B3GNT7: variants seen among roughly 807,000 people sequenced by gnomAD.
B3GNT7 encodes UDP-GlcNAc:betaGal beta-1,3-N-acetylglucosaminyltransferase 7.
Under a neutral mutation model 5.1 loss-of-function variants are expected in B3GNT7, and 9 were observed. The observed-to-expected ratio is 1.77, with a 90% CI of 1.07 to 3.09. The LOEUF is 3.09. Among genes scored for constraint, B3GNT7 ranks in the 30% most tolerant of loss-of-function variants. The pLI, the probability that B3GNT7 is intolerant of heterozygous loss-of-function variation, is 0.00. For synonymous variants in B3GNT7, 253 were observed against 248.6 expected (o/e 1.02, Z -0.17); for missense variants, 468 against 550.8 (o/e 0.85, Z 1.50).
intron 1 of B3GNT7, 42 bp from the exon 2 acceptor site, chr2:231,397,689 C>T: frequency 2.0e-6 from 3 of 1,524,484 alleles, no homozygotes; most frequent in Non-Finnish European, 2.6e-6. Flanking sequence ...GCCCTGGGCT[C>T]ATCTTTTCTC....
In B3GNT7 at chr2:231,395,848, CG is replaced by C; in HGVS notation, c.11+39del. 8.9e-7 allele frequency: 1 copy of C among 1,118,280 alleles called. No individual in the cohort carries two copies. 69.3% of individuals were successfully genotyped at this position (1,118,280 alleles called of 1,614,324 possible). A position where few individuals can be genotyped will look rare whatever the true frequency, so the allele number is the denominator to read the frequency against. ...GGCTGGGGGCCGTCGGGGGCCTGGG[CG>C]GGGGCGTGGGCCCGGGGCTCCCCCT... On this transcript the variant is annotated intron_variant, in intron 1 of 1. Transcript: ENST00000287590. This position sits in a 1 kb window ranked among gnomAD's most constrained non-coding sequence, Gnocchi z 7.3.
At chr2:231,397,599 G>C in intron 1 of B3GNT7, 132 bp from the exon 2 acceptor site, 2 of 829,698 alleles carry the variant, frequency 2.4e-6, no homozygotes, top group South Asian at 3.8e-5. Context: ...TGACAGCTTA[G>C]GGACTCCGGG....
rs758379647 is a variant in B3GNT7 at position 231,397,836 on chromosome 2, G to GCCAC, written c.124_127dup (p.Leu43HisfsTer47). 2 of 1,613,718 alleles carry GCCAC rather than the reference G, an allele frequency of 1.2e-6. No homozygotes were observed. The highest frequency in any genetic ancestry group is 8.5e-7 in the Non-Finnish European group (1 of 1,179,890). On this transcript the variant is annotated frameshift_variant, in exon 2 of 2. Transcript: ENST00000287590. LOFTEE classifies it low-confidence loss of function (END_TRUNC). ...CTGGTCAGTTTCTGCAGGAGCCTCCGCCACCCACCCTGGAGCCACAGAAGG... is the reference window on the plus strand; with the variant it reads ...CTGGTCAGTTTCTGCAGGAGCCTCCGCCACCCACCCACCCTGGAGCCACAGAAGG...
rs765053112 is a variant in B3GNT7 at position 231,398,062 on chromosome 2, C to T, written c.343C>T (p.Arg115Cys). 4 of 1,610,968 alleles carry T rather than the reference C, an allele frequency of 2.5e-6. No individual in the cohort carries two copies. The highest frequency in any genetic ancestry group is 2.5e-6 in the Non-Finnish European group (3 of 1,179,864). ...EPQFRQFLFY[R>C]HCRYFPMLLN... ...GCAGTTCCGGCAGTTTCTCTTCTAC[C>T]GCCACTGCCGCTACTTCCCCATGCT... The change falls in exon 2 of 2, where the codon CGC becomes TGC. Residue 115 changes from arginine (R) to cysteine (C), a missense_variant. Physicochemically the swap from Arg to Cys is radical, Grantham distance 180. Coordinates refer to ENST00000287590, the MANE Select transcript of B3GNT7 (RefSeq NM_145236.3).
At position 231,399,729 on chromosome 2, in the gene B3GNT7, G is replaced by A. The variant is rs2046547804; in HGVS notation, c.*804G>A. ...ACCCCCAGGCCTGGCTCCCTGGCTG[G>A]AAAGCAGCCGGTTTGGCCCTGGAAG... On this transcript the variant is annotated 3_prime_UTR_variant, in exon 2 of 2. Transcript: ENST00000287590. The A allele has an allele frequency of 2.0e-5, 3 of 152,178 alleles. No homozygotes were observed. Among genetic ancestry groups the A allele is most frequent in the Admixed American group, 2.0e-4 (3 of 15,274 alleles). The allele number at this position is 152,178 out of a possible 1,614,324, so 9.4% of individuals were successfully genotyped here. A position where few individuals can be genotyped will look rare whatever the true frequency, so the allele number is the denominator to read the frequency against.
In B3GNT7 at chr2:231,397,787, C is replaced by T. The variant is rs766174080; in HGVS notation, c.68C>T (p.Thr23Met). 23 of 1,613,638 alleles carry T rather than the reference C, an allele frequency of 1.4e-5. No homozygotes were observed. Among genetic ancestry groups the T allele is most frequent in the Middle Eastern group, 1.6e-4 (1 of 6,084 alleles). Residue 23 changes from threonine (T) to methionine (M), a missense_variant, in exon 2 of 2, where the codon ACG (threonine) becomes ATG (methionine). Transcript: ENST00000287590. Reference protein sequence around the residue: ...CLALALLVAVTVFQRSLTPGQ... With the variant: ...CLALALLVAVMVFQRSLTPGQ... ...GCCCTGGCCCTGCTCGTGGCCGTGA[C>T]GGTGTTCCAACGCAGTCTCACCCCT... is the stretch of plus-strand genomic sequence containing the variant.
chr2:231,398,751 C>T lies in B3GNT7; in HGVS notation c.1032C>T (p.His344=), dbSNP rs1392039368. The T allele has an allele frequency of 1.9e-6, 3 of 1,610,084 alleles. No homozygotes were observed. The highest frequency in any genetic ancestry group is 1.7e-5 in the Admixed American group (1 of 60,030). ...TGCTGGGCGTGCAGCCCACGGCCCA[C>T]GAGGGCTTCAAGACTTTCGGCATCT... ...LEVLGVQPTA[H]EGFKTFGISR... The change falls in exon 2 of 2, where the codon CAC becomes CAT. Residue 344 remains histidine (H), a synonymous_variant. Coordinates refer to ENST00000287590, the MANE Select transcript of B3GNT7 (RefSeq NM_145236.3).
chr2:231,399,380 G>T lies in B3GNT7; in HGVS notation c.*455G>T. 6.2e-6 allele frequency: 1 copy of T among 162,038 alleles called. No homozygotes were observed. Among genetic ancestry groups the T allele is most frequent in the Non-Finnish European group, 1.4e-5 (1 of 74,058 alleles). 10.0% of individuals were successfully genotyped at this position (162,038 alleles called of 1,614,324 possible). A position where few individuals can be genotyped will look rare whatever the true frequency, so the allele number is the denominator to read the frequency against. On this transcript the variant is annotated 3_prime_UTR_variant, in exon 2 of 2. Coordinates refer to ENST00000287590, the MANE Select transcript of B3GNT7 (RefSeq NM_145236.3). ...TCTCCCCAGAGGCCGGGCGGCCCTG[G>T]CAGGAGAAACTCAACCCTGTGCGGG...
In B3GNT7 at chr2:231,395,768, G is replaced by A; in HGVS notation, c.-36G>A. Reference sequence around the variant, plus strand: ...CGAGCCGTGGCGCCCAGAGCTGCGAGCCGCTCGCCCCTCCGCCGCTCCGGC... The same window carrying A: ...CGAGCCGTGGCGCCCAGAGCTGCGAACCGCTCGCCCCTCCGCCGCTCCGGC... On this transcript the variant is annotated 5_prime_UTR_variant, in exon 1 of 2. Transcript: ENST00000287590. This position sits in a 1 kb window ranked among gnomAD's most constrained non-coding sequence, Gnocchi z 7.3. The A allele has an allele frequency of 8.5e-7, 1 of 1,171,788 alleles. No individual in the cohort carries two copies. The highest frequency in any genetic ancestry group is 1.1e-6 in the Non-Finnish European group (1 of 949,732). The allele number at this position is 1,171,788 out of a possible 1,614,324, so 72.6% of individuals were successfully genotyped here.
In B3GNT7 at chr2:231,395,748, C is replaced by A; in HGVS notation, c.-56C>A. On this transcript the variant is annotated 5_prime_UTR_variant, in exon 1 of 2. Transcript: ENST00000287590. This position sits in a 1 kb window ranked among gnomAD's most constrained non-coding sequence, Gnocchi z 7.3. ...CGCCCGCCGTCCCGCCGGCCCGAGC[C>A]GTGGCGCCCAGAGCTGCGAGCCGCT... 2.6e-6 allele frequency: 3 copies of A among 1,160,748 alleles called. No homozygotes were observed. The highest frequency in any genetic ancestry group is 7.8e-5 in the South Asian group (2 of 25,574). 71.9% of individuals were successfully genotyped at this position (1,160,748 alleles called of 1,614,324 possible).
Position 231,398,966 on chromosome 2 carries a change from T to C in B3GNT7, c.*41T>C. On this transcript the variant is annotated 3_prime_UTR_variant, in exon 2 of 2. Coordinates refer to ENST00000287590, the MANE Select transcript of B3GNT7 (RefSeq NM_145236.3). ...TAGGACAGGCCAGGGCACTTGCTCCTGAGCCCCCATGGTATTGGGGCTGGA... is the reference window on the plus strand; with the variant it reads ...TAGGACAGGCCAGGGCACTTGCTCCCGAGCCCCCATGGTATTGGGGCTGGA... The C allele has an allele frequency of 6.7e-7, 1 of 1,492,046 alleles. No individual in the cohort carries two copies. Among genetic ancestry groups the C allele is most frequent in the Non-Finnish European group, 9.0e-7 (1 of 1,113,906 alleles). The allele number at this position is 1,492,046 out of a possible 1,614,324, so 92.4% of individuals were successfully genotyped here. A position where few individuals can be genotyped will look rare whatever the true frequency, so the allele number is the denominator to read the frequency against.
In B3GNT7 at chr2:231,398,258, C is replaced by T. The variant is rs1273944114; in HGVS notation, c.539C>T (p.Ala180Val). The change falls in exon 2 of 2, where the codon GCC (alanine) becomes GTC (valine). Residue 180 changes from alanine (A) to valine (V), a missense_variant. Transcript: ENST00000287590. ...CGCACCCTCTTCCTGCTGGGCACGG[C>T]CTCCAAGCAGGAGGAGCGCACGCAC... ...AVRTLFLLGT[A>V]SKQEERTHYQ... The T allele has an allele frequency of 6.2e-7, 1 of 1,612,352 alleles. No homozygotes were observed. Among genetic ancestry groups the T allele is most frequent in the East Asian group, 2.2e-5 (1 of 44,882 alleles).
At position 231,397,593 on chromosome 2, in the gene B3GNT7, A is replaced by C. The variant is rs534060991; in HGVS notation, c.12-138A>C. ...AGAGGAAGCGGGACCCTACCCTGAC[A>C]GCTTAGGGACTCCGGGACTGAGCCT... On this transcript the variant is annotated intron_variant, in intron 1 of 1. Coordinates refer to ENST00000287590, the MANE Select transcript of B3GNT7 (RefSeq NM_145236.3). 1.0e-4 allele frequency: 79 copies of C among 788,362 alleles called. No individual in the cohort carries two copies. In the African/African-American group the frequency reaches 1.1e-3, roughly 11 times the overall value. The allele number at this position is 788,362 out of a possible 1,614,324, so 48.8% of individuals were successfully genotyped here.
intron 1 of B3GNT7, among the ~76,000 whole-genome samples, chr2:231,396,176 G>T (rs1182741376): frequency 6.6e-6 from 1 of 152,054 alleles, no homozygotes; most frequent in Non-Finnish European, 1.5e-5. Flanking sequence ...CCTGCGTCCG[G>T]GCCACTCTCC....
rs1034916353 is a variant in B3GNT7 at position 231,397,586 on chromosome 2, C to G, written c.12-145C>G. 8.0e-6 allele frequency: 6 copies of G among 753,736 alleles called. No individual in the cohort carries two copies. In the African/African-American group the frequency reaches 1.1e-4, roughly 13 times the overall value. The allele number at this position is 753,736 out of a possible 1,614,324, so 46.7% of individuals were successfully genotyped here. On this transcript the variant is annotated intron_variant, in intron 1 of 1. Coordinates refer to ENST00000287590, the MANE Select transcript of B3GNT7 (RefSeq NM_145236.3). ...GGGTGGGAGAGGAAGCGGGACCCTA[C>G]CCTGACAGCTTAGGGACTCCGGGAC...
chr2:231,395,787 C>T lies in B3GNT7; in HGVS notation c.-17C>T. ...CTGCGAGCCGCTCGCCCCTCCGCCGCTCCGGCCCGGGCCGCCATGTCGCTG... is the reference window on the plus strand; with the variant it reads ...CTGCGAGCCGCTCGCCCCTCCGCCGTTCCGGCCCGGGCCGCCATGTCGCTG... On this transcript the variant is annotated 5_prime_UTR_variant, in exon 1 of 2. Coordinates refer to ENST00000287590, the MANE Select transcript of B3GNT7 (RefSeq NM_145236.3). This position sits in a 1 kb window ranked among gnomAD's most constrained non-coding sequence, Gnocchi z 7.3. The T allele has an allele frequency of 1.7e-6, 2 of 1,172,088 alleles. No homozygotes were observed. Among genetic ancestry groups the T allele is most frequent in the Non-Finnish European group, 2.1e-6 (2 of 950,372 alleles). 72.6% of individuals were successfully genotyped at this position (1,172,088 alleles called of 1,614,324 possible).
In B3GNT7 at chr2:231,399,602, C is replaced by G. The variant is rs1389981890; in HGVS notation, c.*677C>G. ...TCAGAATCTCCCTGGGGCTGCAGCCCTACCCCACCCCGACACAGGGCAGAA... is the reference window on the plus strand; with the variant it reads ...TCAGAATCTCCCTGGGGCTGCAGCCGTACCCCACCCCGACACAGGGCAGAA... On this transcript the variant is annotated 3_prime_UTR_variant, in exon 2 of 2. Coordinates refer to ENST00000287590, the MANE Select transcript of B3GNT7 (RefSeq NM_145236.3). 2 of 152,430 alleles carry G rather than the reference C, an allele frequency of 1.3e-5. No homozygotes were observed. The highest frequency in any genetic ancestry group is 2.4e-5 in the African/African-American group (1 of 41,442). The allele number at this position is 152,430 out of a possible 1,614,324, so 9.4% of individuals were successfully genotyped here.
intron 1 of B3GNT7, 92 bp from the exon 2 acceptor site, chr2:231,397,639 G>A (rs576756497): frequency 9.5e-5 from 120 of 1,261,708 alleles, no homozygotes; most frequent in South Asian, 2.7e-4. Flanking sequence ...CCACTTGCCC[G>A]TCTGGGACCA....
In B3GNT7 at chr2:231,398,400, C is replaced by A; in HGVS notation, c.681C>A (p.Asp227Glu). The A allele has an allele frequency of 1.9e-6, 3 of 1,613,730 alleles. No individual in the cohort carries two copies. The highest frequency in any genetic ancestry group is 2.5e-6 in the Non-Finnish European group (3 of 1,179,862). Residue 227 changes from aspartate (D) to glutamate (E), a missense_variant, in exon 2 of 2, where the codon GAC becomes GAA. Transcript: ENST00000287590. The part of the protein sequence containing the change: ...LKEIHFLKWL[D>E]IYCPHVPFIF... Reference sequence around the variant, plus strand: ...AGATCCACTTCCTCAAGTGGCTGGACATCTACTGCCCCCACGTCCCCTTCA... The same window carrying A: ...AGATCCACTTCCTCAAGTGGCTGGAAATCTACTGCCCCCACGTCCCCTTCA...
Sources: gnomAD v4.1 joint callset for allele counts (sites outside exome capture counted in the v4.1 genomes callset) on GRCh38, gnomAD v4.1.1 for gene constraint, Gnocchi (gnomAD v3.1) non-coding constraint, MANE v1.5 for transcripts, NCBI Gene and HGNC (gene_info 2026-07-23, HGNC 2026-07-21) for gene names.